MGAT4C: variants seen among roughly 807,000 people sequenced by gnomAD.
The protein encoded by MGAT4C is alpha-1,3-mannosyl-glycoprotein 4-beta-N-acetylglucosaminyltransferase C.
Under a neutral mutation model 40.1 loss-of-function variants are expected in MGAT4C, and 19 were observed. The observed-to-expected ratio is 0.47, with a 90% CI of 0.33 to 0.70. The LOEUF is 0.70. MGAT4C is among the 30% of genes least tolerant of loss of function. The pLI is 0.02. For missense variants in MGAT4C, 491 were observed against 563.2 expected, an observed-to-expected ratio of 0.87 and a Z score of 1.30; for synonymous variants, 181 against 187.1, an observed-to-expected ratio of 0.97 and a Z score of 0.27.
chr12:86,154,617 C>G (rs1884688119), intron 1 of MGAT4C, among the ~76,000 whole-genome samples: 1 of 152,138 alleles, frequency 6.6e-6, no homozygotes, highest in Non-Finnish European at 1.5e-5. Flanking sequence ...GTGAATCTGC[C>G]CAACGGAAAT....
intron 3 of MGAT4C, among the ~76,000 whole-genome samples, chr12:86,334,459 A>T (rs1954741064): frequency 6.6e-6 from 1 of 152,188 alleles, no homozygotes. Flanking sequence ...GGAAAGAAAA[A>T]GAAATAAGCC....
chr12:86,666,995 A>C (rs951415422), intron 2 of MGAT4C, among the ~76,000 whole-genome samples: 41 of 152,180 alleles, frequency 2.7e-4, no homozygotes, highest in African/African-American at 9.7e-4. Context: ...GGATTATACA[A>C]GGTATGTATT....
chr12:86,747,162 T>C lies in MGAT4C; in HGVS notation c.-261-19921A>G, dbSNP rs1284853257. Among the ~76,000 whole-genome samples, 6 of 151,752 alleles carry C rather than the reference T, an allele frequency of 4.0e-5. No homozygotes were observed. In the East Asian group the frequency reaches 1.2e-3, roughly 30 times the overall value. On this transcript the variant is annotated intron_variant, in intron 1 of 7. Coordinates refer to the MGAT4C transcript ENST00000548651. ...CCAGTGCTCCTTATCCTGCAGGATT[T>C]CAGTGAGGATTAAATGAGTTAATGT...
Position 86,303,162 on chromosome 12 carries a change from A to T in MGAT4C, c.-57+30903T>A, listed in dbSNP as rs145192030. ...GAGCTAATTTTAGTTTATTGCTATA[A>T]TAAAAATGAAGACAGGAGAACTTAG... On this transcript the variant is annotated intron_variant, in intron 4 of 7. Coordinates refer to the MGAT4C transcript ENST00000548651. 6.6e-3 allele frequency among the ~76,000 whole-genome samples: 988 copies of T among 150,754 alleles called. 94 individuals are homozygous for T. The highest frequency in any genetic ancestry group is 0.024 in the African/African-American group (955 of 40,136).
intron 2 of MGAT4C, among the ~76,000 whole-genome samples, chr12:86,701,570 AG>A (rs1172647985): frequency 1.3e-5 from 2 of 152,150 alleles, no homozygotes; most frequent in Non-Finnish European, 2.9e-5. Context: ...GGGCTTCCCT[AG>A]TACTTGACAT....
intron 1 of MGAT4C, among the ~76,000 whole-genome samples, chr12:86,163,425 G>C (rs760020373): frequency 3.3e-5 from 5 of 152,042 alleles, no homozygotes; most frequent in Admixed American, 6.6e-5. Flanking sequence ...CGACTGTCCT[G>C]AAGCAATGTT....
At chr12:86,018,898 T>G (rs2136854503) in intron 2 of MGAT4C, among the ~76,000 whole-genome samples, 1 of 152,198 alleles carries the variant, frequency 6.6e-6, no homozygotes, top group African/African-American at 2.4e-5. Flanking sequence ...GCAGAAATAA[T>G]AAAACTTGAG....
At chr12:86,705,074 T>A (rs1481511862) in intron 2 of MGAT4C, among the ~76,000 whole-genome samples, 1 of 152,110 alleles carries the variant, frequency 6.6e-6, no homozygotes, top group Admixed American at 6.6e-5. Context: ...TGGGATTTGT[T>A]CAGGGCAAGT....
intron 4 of MGAT4C, among the ~76,000 whole-genome samples, chr12:86,302,978 G>T (rs945784230): frequency 6.6e-6 from 1 of 150,520 alleles, no homozygotes; most frequent in African/African-American, 2.5e-5. Flanking sequence ...AACTCTTCCC[G>T]CACATTTTGT....
chr12:86,648,441 G>T (rs1430256277), intron 2 of MGAT4C, among the ~76,000 whole-genome samples: 1 of 151,888 alleles, frequency 6.6e-6, no homozygotes, highest in Admixed American at 6.6e-5. Flanking sequence ...ATTAGAGTAA[G>T]ATTAGGTCAT....
At chr12:85,990,493 A>T (rs1366178772) in intron 2 of MGAT4C, among the ~76,000 whole-genome samples, 1 of 152,182 alleles carries the variant, frequency 6.6e-6, no homozygotes, top group Admixed American at 6.5e-5. Flanking sequence ...TGAAGTATTT[A>T]TGTGTAAGGG....
intron 4 of MGAT4C, among the ~76,000 whole-genome samples, chr12:86,262,430 A>G (rs1432680672): frequency 1.3e-5 from 2 of 152,068 alleles, no homozygotes; most frequent in African/African-American, 4.8e-5. Context: ...TACTCATTCC[A>G]GATCAGCTAT....
intron 1 of MGAT4C, among the ~76,000 whole-genome samples, chr12:86,749,349 T>C (rs953883643): frequency 2.6e-5 from 4 of 151,818 alleles, no homozygotes; most frequent in Middle Eastern, 3.4e-3. Flanking sequence ...TATATTGCAT[T>C]AATTTGCATA....
At chr12:86,812,966 A>T (rs987382093) in intron 1 of MGAT4C, among the ~76,000 whole-genome samples, 2 of 152,138 alleles carry the variant, frequency 1.3e-5, no homozygotes, top group African/African-American at 4.8e-5. Flanking sequence ...TGAAAAAATT[A>T]GCCTAGATAG....
intron 2 of MGAT4C, among the ~76,000 whole-genome samples, chr12:86,666,108 A>T (rs1245871170): frequency 6.6e-6 from 1 of 152,310 alleles, no homozygotes; most frequent in South Asian, 2.1e-4. Flanking sequence ...GCTTGATGCA[A>T]TTTTGATTAA....
intron 1 of MGAT4C, among the ~76,000 whole-genome samples, chr12:86,748,207 G>A (rs963960956): frequency 3.3e-5 from 5 of 151,376 alleles, no homozygotes; most frequent in Non-Finnish European, 5.9e-5. Flanking sequence ...GACTACTAAG[G>A]CACACTAATC....
intron 1 of MGAT4C, among the ~76,000 whole-genome samples, chr12:86,179,871 T>C (rs1252524714): frequency 6.6e-6 from 1 of 152,194 alleles, no homozygotes; most frequent in Non-Finnish European, 1.5e-5. Flanking sequence ...ATCCATTTTT[T>C]GAGGAGAATT....
chr12:86,689,737 G>A (rs779318329), intron 2 of MGAT4C, among the ~76,000 whole-genome samples: 9 of 152,260 alleles, frequency 5.9e-5, no homozygotes, highest in Middle Eastern at 3.4e-3. Flanking sequence ...TCTCCTGTAG[G>A]AGGTGTCTGT....
intron 2 of MGAT4C, among the ~76,000 whole-genome samples, chr12:86,018,485 C>CT (rs1366936586): frequency 6.6e-6 from 1 of 152,046 alleles, no homozygotes; most frequent in Non-Finnish European, 1.5e-5. Flanking sequence ...TGTTTTTTTA[C>CT]TTTGTTTTGT....
Sources: gnomAD v4.1 joint callset for allele counts (sites outside exome capture counted in the v4.1 genomes callset) on GRCh38, gnomAD v4.1.1 for gene constraint, MANE v1.5 for transcripts, NCBI Gene and HGNC (gene_info 2026-07-23, HGNC 2026-07-21) for gene names.